The following CSMD3 variants were observed in gnomAD, a reference collection of about 807,000 sequenced individuals.
CSMD3 encodes the protein CUB and sushi domain-containing protein 3.
CSMD3 carries 177 observed loss-of-function variants against 435.2 expected under a neutral mutation model. That is an observed-to-expected ratio of 0.41 (90% CI 0.36 to 0.46). CSMD3 has a LOEUF of 0.46. Among genes scored for constraint, CSMD3 ranks in the 20% least tolerant of loss-of-function variants. The pLI, the probability that CSMD3 is intolerant of heterozygous loss-of-function variation, is 0.34. For missense variants in CSMD3, 4,265 were observed against 4,504.6 expected, an observed-to-expected ratio of 0.95 and a Z score of 1.52; for synonymous variants, 1,656 against 1,520.5, an observed-to-expected ratio of 1.09 and a Z score of -2.07.
chr8:113,300,179 C>A (rs756560881), intron 2 of CSMD3, among the ~76,000 whole-genome samples: 4,573 of 95,842 alleles, frequency 0.048, 105 homozygotes, highest in Middle Eastern at 0.075. Context: ...AAAAAAAAAA[C>A]AACAGATGTT....
chr8:112,612,016 CATAAAAACAA>C (rs1488430450), intron 22 of CSMD3, among the ~76,000 whole-genome samples: 2 of 151,944 alleles, frequency 1.3e-5, no homozygotes, highest in Admixed American at 1.3e-4. Flanking sequence ...CGCTAAGTGC[CATAAAAACAA>C]ATATGAACAA....
chr8:113,115,988 C>G (rs896419187), intron 4 of CSMD3, among the ~76,000 whole-genome samples: 2 of 152,128 alleles, frequency 1.3e-5, no homozygotes, highest in Non-Finnish European at 2.9e-5. Context: ...ATCTATGAAT[C>G]TGAAAGTAGT....
At chr8:113,034,981 C>T (rs866874641) in intron 5 of CSMD3, among the ~76,000 whole-genome samples, 1 of 151,890 alleles carries the variant, frequency 6.6e-6, no homozygotes, top group South Asian at 2.1e-4. Flanking sequence ...TTTTAACAAT[C>T]AACAACCAGA....
At chr8:112,487,784 T>C (rs910736927) in intron 31 of CSMD3, among the ~76,000 whole-genome samples, 4 of 152,044 alleles carry the variant, frequency 2.6e-5, no homozygotes, top group African/African-American at 9.7e-5. Context: ...GCAAATAATA[T>C]TAAGGGGAAA....
At chr8:112,615,352 C>A (rs1167295715) in intron 22 of CSMD3, among the ~76,000 whole-genome samples, 2 of 152,028 alleles carry the variant, frequency 1.3e-5, no homozygotes, top group Non-Finnish European at 2.9e-5. Context: ...CAAGAGTAAA[C>A]CTAGTTATAG....
At chr8:112,765,981 T>G (rs556883857) in intron 13 of CSMD3, among the ~76,000 whole-genome samples, 128 of 151,830 alleles carry the variant, frequency 8.4e-4, no homozygotes, top group Middle Eastern at 3.4e-3. Context: ...TTAGTTTCTT[T>G]TATGCCTCAG....
chr8:113,266,196 A>AC, intron 3 of CSMD3, among the ~76,000 whole-genome samples: 1 of 150,990 alleles, frequency 6.6e-6, no homozygotes, highest in East Asian at 1.9e-4. Flanking sequence ...AAAAAAAAAA[A>AC]AACTAAAGTA....
intron 6 of CSMD3, among the ~76,000 whole-genome samples, chr8:112,981,802 T>C (rs1005085386): frequency 6.6e-6 from 1 of 151,736 alleles, no homozygotes; most frequent in Non-Finnish European, 1.5e-5. Flanking sequence ...CAACCATAAA[T>C]ACCTTTTTAT....
At chr8:112,822,010 T>C (rs1008657009) in intron 12 of CSMD3, among the ~76,000 whole-genome samples, 13 of 152,208 alleles carry the variant, frequency 8.5e-5, no homozygotes, top group African/African-American at 3.1e-4. Context: ...CTGATCTATA[T>C]GACTGTTTTC....
chr8:112,869,679 A>G (rs1423271348), intron 10 of CSMD3, among the ~76,000 whole-genome samples: 1 of 146,474 alleles, frequency 6.8e-6, no homozygotes, highest in Non-Finnish European at 1.5e-5. Context: ...TTGCAAATAT[A>G]TACCATGGAA....
intron 21 of CSMD3, 48 bp from the exon 22 acceptor site, chr8:112,637,053 G>GA: frequency 7.1e-7 from 1 of 1,404,958 alleles, no homozygotes. Flanking sequence ...AAAGGACAAA[G>GA]AAAATGATAG....
intron 9 of CSMD3, among the ~76,000 whole-genome samples, chr8:112,936,932 CT>C (rs2083297278): frequency 1.3e-5 from 2 of 151,946 alleles, no homozygotes; most frequent in African/African-American, 4.8e-5. Flanking sequence ...CCTCAATTGT[CT>C]TTTTATTTTT....
intron 38 of CSMD3, among the ~76,000 whole-genome samples, chr8:112,376,506 C>T (rs1052680396): frequency 1.3e-5 from 2 of 151,968 alleles, no homozygotes; most frequent in Non-Finnish European, 2.9e-5. Context: ...TTGTTCGCTC[C>T]CACTGAGAGT....
chr8:112,735,447 A>G lies in CSMD3; in HGVS notation c.1973-45397T>C, dbSNP rs2077166315. The stretch of plus-strand genomic sequence containing the variant: ...GATCAGAGGTTACCACATAAGTGTT[A>G]ATTGAAAGTATTCTGTATTCATCTC... On this transcript the variant is annotated intron_variant, in intron 13 of 70. Coordinates refer to ENST00000297405, the MANE Select transcript of CSMD3 (RefSeq NM_198123.2). Among the ~76,000 whole-genome samples, 5 of 152,184 alleles carry G rather than the reference A, an allele frequency of 3.3e-5. No individual in the cohort carries two copies. The South Asian group carries it at 1.0e-3, about 32-fold the overall frequency.
intron 9 of CSMD3, among the ~76,000 whole-genome samples, chr8:112,945,667 C>A (rs192193892): frequency 1.3e-5 from 2 of 148,690 alleles, no homozygotes; most frequent in Admixed American, 6.8e-5. Flanking sequence ...TTAAAAAAAA[C>A]AATGTATTTA....
chr8:112,984,501 C>T (rs957366772), intron 6 of CSMD3, among the ~76,000 whole-genome samples: 1 of 152,070 alleles, frequency 6.6e-6, no homozygotes, highest in Non-Finnish European at 1.5e-5. Context: ...ATCTCGCCAA[C>T]TGTCTTTGAC....
intron 11 of CSMD3, among the ~76,000 whole-genome samples, chr8:112,830,921 G>A (rs560097305): frequency 6.6e-6 from 1 of 151,660 alleles, no homozygotes; most frequent in East Asian, 1.9e-4. Context: ...TGAGTACCTG[G>A]GACTACAGGT....
intron 10 of CSMD3, among the ~76,000 whole-genome samples, chr8:112,870,970 C>T (rs191374531): frequency 2.0e-5 from 3 of 152,178 alleles, no homozygotes; most frequent in Non-Finnish European, 1.5e-5. Flanking sequence ...CCCCCCACCA[C>T]TCCCCAGTAA....
At chr8:112,420,309 C>T (rs1194570816) in intron 32 of CSMD3, among the ~76,000 whole-genome samples, 1 of 152,130 alleles carries the variant, frequency 6.6e-6, no homozygotes, top group African/African-American at 2.4e-5. Context: ...TTTTAAGCAA[C>T]TCCCCAACAT....
Sources: allele counts gnomAD v4.1 joint callset (sites outside exome capture counted in the v4.1 genomes callset), GRCh38; gene constraint gnomAD v4.1.1; transcripts MANE v1.5; gene names NCBI Gene and HGNC (gene_info 2026-07-23, HGNC 2026-07-21).